ALS2: variants seen among roughly 807,000 people sequenced by gnomAD.
ALS2 encodes the protein alsin Rho guanine nucleotide exchange factor ALS2, also known as alsin.
A neutral mutation model predicts 203.4 loss-of-function variants in ALS2; 117 were observed. That is an observed-to-expected ratio of 0.58 (90% CI 0.50 to 0.67). ALS2 has a LOEUF of 0.67. Ranked by LOEUF, ALS2 falls within the 30% of genes least tolerant of loss-of-function variation. The pLI is 0.00. For synonymous variants in ALS2, 718 were observed against 725.9 expected, an observed-to-expected ratio of 0.99 and a Z score of 0.17; for missense variants, 1,715 against 1,989.4, an observed-to-expected ratio of 0.86 and a Z score of 2.62.
At chr2:201,715,559 G>C in intron 25 of ALS2, 113 bp downstream of exon 25, 1 of 1,300,500 alleles carries the variant, frequency 7.7e-7, no homozygotes, top group Non-Finnish European at 1.1e-6. Flanking sequence ...TTACTCAGAA[G>C]CGAAGTAAAT....
At chr2:201,752,756 C>T (rs1019380640) in intron 7 of ALS2, among the ~76,000 whole-genome samples, 1 of 152,134 alleles carries the variant, frequency 6.6e-6, no homozygotes, top group South Asian at 2.1e-4. Context: ...TCAGGTCCCA[C>T]AGTTTTAAAG....
Position 201,707,854 on chromosome 2 carries a change from C to A in ALS2, c.4403+15G>T, listed in dbSNP as rs1308202141. The A allele has an allele frequency of 6.2e-7, 1 of 1,612,052 alleles. No homozygotes were observed. Among genetic ancestry groups the A allele is most frequent in the Non-Finnish European group, 8.5e-7 (1 of 1,178,714 alleles). On this transcript the variant is annotated intron_variant, in intron 28 of 33. Transcript: ENST00000264276. Reference sequence around the variant, plus strand: ...CCATTCCCTTTCTTCACTGTCCCCACCCAACTCCATTTACCCTGGCTCTGG... The same window carrying A: ...CCATTCCCTTTCTTCACTGTCCCCAACCAACTCCATTTACCCTGGCTCTGG...
intron 12 of ALS2, among the ~76,000 whole-genome samples, chr2:201,734,027 G>A (rs1208312313): frequency 6.6e-6 from 1 of 152,148 alleles, no homozygotes; most frequent in African/African-American, 2.4e-5. Flanking sequence ...TTTCAATGCT[G>A]AGATCTTCAA....
chr2:201,728,940 G>T (rs1691366544), intron 14 of ALS2, 112 bp downstream of exon 14: 1 of 1,516,240 alleles, frequency 6.6e-7, no homozygotes, highest in African/African-American at 1.4e-5. Flanking sequence ...TAGGAAAGGG[G>T]TCATTAAAAG....
intron 10 of ALS2, 94 bp downstream of exon 10, chr2:201,744,164 A>C (rs1477496382): frequency 7.3e-7 from 1 of 1,378,860 alleles, no homozygotes; most frequent in Admixed American, 1.7e-5. Context: ...CAAGAAGTAA[A>C]CCATAAACTA....
In ALS2 at chr2:201,711,074, G is replaced by C; in HGVS notation, c.4039C>G (p.Leu1347Val). 1 of 1,611,874 alleles carries C rather than the reference G, an allele frequency of 6.2e-7. No homozygotes were observed. The highest frequency in any genetic ancestry group is 2.2e-5 in the East Asian group (1 of 44,804). ...TGTGGAATGAATTCCAAACTCTCTAGTGTCTGAGTCTGTGAACGACTCAGT... is the reference window on the plus strand; with the variant it reads ...TGTGGAATGAATTCCAAACTCTCTACTGTCTGAGTCTGTGAACGACTCAGT... ...EILSRSQTQT[L>V]ESLEFIPQHV... Residue 1347 changes from leucine (L) to valine (V), a missense_variant, in exon 26 of 34, where the codon CTA becomes GTA. Coordinates refer to ENST00000264276, the MANE Select transcript of ALS2 (RefSeq NM_020919.4).
intron 5 of ALS2, among the ~76,000 whole-genome samples, chr2:201,755,502 ATCC>A (rs1359377884): frequency 6.6e-6 from 1 of 152,096 alleles, no homozygotes; most frequent in East Asian, 1.9e-4. Context: ...ATCTCAAGTA[ATCC>A]TCCTGCCTTG....
rs762096556 is a variant in ALS2 at position 201,761,729 on chromosome 2, C to A, written c.265G>T (p.Val89Phe). Residue 89 changes from valine to phenylalanine, a missense_variant, in exon 4 of 34, where the codon GTT (valine) becomes TTT (phenylalanine). Transcript: ENST00000264276. ...GCCACAGTAATAACATATTGCCCAA[C>A]CAGGGCATTTTCTAGAATGGGGCTA... ...PSSPILENALVGQYVITVATG... is the reference protein window; with the variant it reads ...PSSPILENALFGQYVITVATG... 1.2e-6 allele frequency: 2 copies of A among 1,613,924 alleles called. No homozygotes were observed. Among genetic ancestry groups the A allele is most frequent in the Admixed American group, 1.7e-5 (1 of 59,986 alleles).
intron 3 of ALS2, 89 bp downstream of exon 3, chr2:201,767,140 A>C (rs1443368273): frequency 6.8e-7 from 1 of 1,477,062 alleles, no homozygotes; most frequent in Admixed American, 1.7e-5. Context: ...AAGAACCCCT[A>C]GTATCCAATG....
At chr2:201,704,649 T>A (rs1186967395) in intron 31 of ALS2, 46 bp from the exon 32 acceptor site, 1 of 1,609,934 alleles carries the variant, frequency 6.2e-7, no homozygotes, top group Non-Finnish European at 8.5e-7. Flanking sequence ...ATTTTCTTAA[T>A]AAAGCCATTT....
rs1691932945 is a variant in ALS2, at chr2:201,737,240, T to C, written c.2417+1430A>G. Among the ~76,000 whole-genome samples the C allele has an allele frequency of 2.0e-5, 3 of 152,324 alleles. No individual in the cohort carries two copies. The South Asian group carries it at 6.2e-4, about 32-fold the overall frequency. On this transcript the variant is annotated intron_variant, in intron 12 of 33. Transcript: ENST00000264276. ...TAATCTAGAGATGATTTAACATATA[T>C]GAAAGGATGTGCACAGGTTATAGGC...
chr2:201,770,523 A>G (rs921743665), intron 1 of ALS2, among the ~76,000 whole-genome samples: 3 of 152,152 alleles, frequency 2.0e-5, no homozygotes, highest in African/African-American at 7.2e-5. Context: ...TACTTACTAT[A>G]GGGCAGGCCA....
intron 6 of ALS2, among the ~76,000 whole-genome samples, chr2:201,754,081 G>A (rs1178356803): frequency 6.6e-6 from 1 of 151,018 alleles, no homozygotes; most frequent in African/African-American, 2.4e-5. Context: ...CACAATCTCA[G>A]CTTACTGCAA....
chr2:201,761,875 A>AT, intron 3 of ALS2, 57 bp from the exon 4 acceptor site: 1 of 1,572,488 alleles, frequency 6.4e-7, no homozygotes, highest in Non-Finnish European at 8.7e-7. Context: ...TTAACTAAAA[A>AT]TTTTAACAGC....
chr2:201,706,663 C>T (rs560096761), intron 29 of ALS2, among the ~76,000 whole-genome samples, 183 bp downstream of exon 29: 2 of 150,794 alleles, frequency 1.3e-5, no homozygotes, highest in South Asian at 4.2e-4. Flanking sequence ...AGGTTTCATA[C>T]TCATCTCCAA....
At chr2:201,752,185 C>A (rs1193622787) in intron 7 of ALS2, among the ~76,000 whole-genome samples, 2 of 152,132 alleles carry the variant, frequency 1.3e-5, no homozygotes, top group African/African-American at 4.8e-5. Flanking sequence ...ATTTTTACAA[C>A]TGACGCATCT....
chr2:201,760,542 A>C (rs1319161394), intron 4 of ALS2: 13 of 1,056,814 alleles, frequency 1.2e-5, no homozygotes, highest in African/African-American at 3.4e-5. Flanking sequence ...ATCTTTGTGA[A>C]TCTCTAGTTA....
At chr2:201,737,028 C>T (rs1052182906) in intron 12 of ALS2, among the ~76,000 whole-genome samples, 9 of 152,222 alleles carry the variant, frequency 5.9e-5, no homozygotes, top group Middle Eastern at 3.4e-3. Context: ...CTATGAACTT[C>T]CAGGAAACAG....
intron 25 of ALS2, among the ~76,000 whole-genome samples, chr2:201,713,374 A>G (rs1690168807): frequency 6.6e-6 from 1 of 152,018 alleles, no homozygotes; most frequent in Non-Finnish European, 1.5e-5. Flanking sequence ...TGCCTGCCTC[A>G]GCCTCCCAAA....
Sources: allele counts gnomAD v4.1 joint callset (sites outside exome capture counted in the v4.1 genomes callset), GRCh38; gene constraint gnomAD v4.1.1; transcripts MANE v1.5; gene names NCBI Gene and HGNC (gene_info 2026-07-23, HGNC 2026-07-21).